Variants in VRK3 observed in about 807,000 individuals in gnomAD.
VRK3 encodes serine/threonine-protein kinase VRK3.
A neutral mutation model predicts 60.4 loss-of-function variants in VRK3; 50 were observed. The ratio of observed to expected loss-of-function variants is 0.83; its 90% confidence interval spans 0.66 to 1.05. The LOEUF (loss-of-function observed/expected upper bound fraction) is 1.05, where lower values mean the gene tolerates loss of function less well. Ranked by LOEUF, VRK3 falls within the 50% of genes least tolerant of loss-of-function variation. The probability of loss-of-function intolerance (pLI) is 0.00; values close to 1 mark genes in which losing one functional copy is unlikely to be tolerated. For missense variants in VRK3, 549 were observed against 585.3 expected (o/e 0.94, Z 0.64); for synonymous variants, 246 against 227.8 (o/e 1.08, Z -0.72).
intron 12 of VRK3, chr19:49,981,524 G>A (rs545034490): frequency 2.3e-5 from 6 of 266,478 alleles, no homozygotes; most frequent in Admixed American, 1.2e-4. Flanking sequence ...CAGCCTGGGC[G>A]ACAGAGAGAG....
intron 10 of VRK3, among the ~76,000 whole-genome samples, chr19:49,992,068 T>C (rs181684494): frequency 1.1e-4 from 17 of 152,300 alleles, no homozygotes; most frequent in Admixed American, 7.2e-4. Flanking sequence ...CCTATGAATA[T>C]ATAGGTAGGA....
rs1352633528 is a variant in VRK3, at chr19:50,019,695, T to A, written c.-2+890A>T. Among the ~76,000 whole-genome samples, 32 of 113,360 alleles carry A rather than the reference T, an allele frequency of 2.8e-4. 1 individual carries two copies. The highest frequency in any genetic ancestry group is 1.4e-3 in the African/African-American group (30 of 21,760). 74.4% of individuals were successfully genotyped at this position (113,360 alleles called of 152,430 possible). On this transcript the variant is annotated intron_variant, in intron 2 of 14. Coordinates refer to ENST00000316763, the MANE Select transcript of VRK3 (RefSeq NM_016440.4). ...TGGCCTTTTTTTTTTTTTTTTTTTT[T>A]TTTTTTTTTTTTTTTTTTACTTTTT...
intron 4 of VRK3, among the ~76,000 whole-genome samples, chr19:50,008,339 G>C (rs183994998): frequency 2.6e-4 from 40 of 151,320 alleles, no homozygotes; most frequent in Non-Finnish European, 4.6e-4. Flanking sequence ...AGCCTGGCAA[G>C]AGAATGGGGT....
At chr19:50,002,312 CACGT>C (rs2076819773) in intron 5 of VRK3, among the ~76,000 whole-genome samples, 1 of 152,262 alleles carries the variant, frequency 6.6e-6, no homozygotes, top group Non-Finnish European at 1.5e-5. Flanking sequence ...GCCAGCTCTA[CACGT>C]TCAAGGCCAA....
chr19:49,997,976 G>C (rs1251469569), intron 6 of VRK3: 1 of 155,772 alleles, frequency 6.4e-6, no homozygotes, highest in Non-Finnish European at 1.4e-5. Flanking sequence ...GTTCCAGCTG[G>C]CTGCAACGCA....
rs1456928701 is a variant in VRK3 at position 49,977,323 on chromosome 19, T to C, written c.*12-539A>G. Among the ~76,000 whole-genome samples the C allele has an allele frequency of 3.3e-5, 5 of 152,186 alleles. No individual in the cohort carries two copies. The East Asian group carries it at 9.7e-4, about 30-fold the overall frequency. On this transcript the variant is annotated intron_variant, in intron 14 of 14. Coordinates refer to ENST00000316763, the MANE Select transcript of VRK3 (RefSeq NM_016440.4). ...AGATGACCTTCAAGGTGCTCGAAGA[T>C]CACTGGGCTCCTTAAATGCCATCTC...
At chr19:49,979,786 G>A (rs948527277) in intron 13 of VRK3, among the ~76,000 whole-genome samples, 1 of 152,076 alleles carries the variant, frequency 6.6e-6, no homozygotes, top group Non-Finnish European at 1.5e-5. Context: ...GCTCACGCCT[G>A]TAATCCCAGC....
intron 4 of VRK3, 109 bp from the exon 5 acceptor site, chr19:50,007,935 A>G (rs1463464130): frequency 4.7e-6 from 7 of 1,476,230 alleles, no homozygotes; most frequent in Non-Finnish European, 6.4e-6. Flanking sequence ...CGTTCATTCA[A>G]CAAACATTTC....
At chr19:50,019,660 C>A (rs932789008) in intron 2 of VRK3, among the ~76,000 whole-genome samples, 1 of 130,772 alleles carries the variant, frequency 7.6e-6, no homozygotes, top group African/African-American at 2.9e-5. Context: ...CAGGCATGTG[C>A]CACCATGCCT....
chr19:49,982,102 T>C (rs916705691), intron 12 of VRK3: 1 of 702,008 alleles, frequency 1.4e-6, no homozygotes, highest in African/African-American at 1.8e-5. Context: ...TGGGAGGAGG[T>C]GGAAAACTGC....
At chr19:50,013,686 T>C (rs2077031182) in intron 3 of VRK3, among the ~76,000 whole-genome samples, 2 of 152,306 alleles carry the variant, frequency 1.3e-5, no homozygotes, top group South Asian at 4.1e-4. Context: ...GTCAGTAAGA[T>C]TTCTCAGCAC....
intron 12 of VRK3, among the ~76,000 whole-genome samples, chr19:49,984,108 G>T (rs1218219499): frequency 2.6e-5 from 4 of 152,180 alleles, no homozygotes; most frequent in African/African-American, 7.2e-5. Context: ...TTTAGATGGG[G>T]GGATGTGAAA....
At chr19:49,979,527 C>T (rs924660246) in intron 13 of VRK3, among the ~76,000 whole-genome samples, 2 of 152,162 alleles carry the variant, frequency 1.3e-5, no homozygotes, top group Admixed American at 6.5e-5. Context: ...TCATCAAGAC[C>T]CCTCCCCTGG....
At chr19:50,003,517 G>A (rs943118625) in intron 5 of VRK3, among the ~76,000 whole-genome samples, 2 of 152,196 alleles carry the variant, frequency 1.3e-5, no homozygotes, top group Non-Finnish European at 2.9e-5. Context: ...ATGACGGATG[G>A]TGGTTCTCCC....
Position 49,981,897 on chromosome 19 carries a change from A to T in VRK3, c.1218-884T>A, listed in dbSNP as rs139492817. ...TGAGGAGATTTTAACTGGTAGGTTCAAAGCAAGCAGGCTCGACTTCAGGAG... is the reference window on the plus strand; with the variant it reads ...TGAGGAGATTTTAACTGGTAGGTTCTAAGCAAGCAGGCTCGACTTCAGGAG... On this transcript the variant is annotated intron_variant, in intron 12 of 14. Coordinates refer to ENST00000316763, the MANE Select transcript of VRK3 (RefSeq NM_016440.4). 26 of 1,042,554 alleles carry T rather than the reference A, an allele frequency of 2.5e-5. No homozygotes were observed. The East Asian group carries it at 7.9e-4, about 32-fold the overall frequency. The allele number at this position is 1,042,554 out of a possible 1,614,324, so 64.6% of individuals were successfully genotyped here. A position where few individuals can be genotyped will look rare whatever the true frequency, so the allele number is the denominator to read the frequency against.
At chr19:49,981,103 A>G (rs570079229) in intron 12 of VRK3, 90 bp from the exon 13 acceptor site, 21 of 1,071,792 alleles carry the variant, frequency 2.0e-5, no homozygotes, top group South Asian at 4.7e-5. Context: ...ACACAGCCTA[A>G]GATATATACA....
At chr19:50,005,658 G>A (rs2076878402) in intron 5 of VRK3, among the ~76,000 whole-genome samples, 1 of 149,866 alleles carries the variant, frequency 6.7e-6, no homozygotes, top group Non-Finnish European at 1.5e-5. Context: ...AGCCACATGG[G>A]GTGTTCCCAT....
At chr19:49,990,578 G>A (rs1194161951) in intron 10 of VRK3, among the ~76,000 whole-genome samples, 1 of 151,716 alleles carries the variant, frequency 6.6e-6, no homozygotes, top group Non-Finnish European at 1.5e-5. Flanking sequence ...TTGCCCTGTT[G>A]CCCAGGCTGG....
chr19:50,001,644 C>T (rs2076808474), intron 5 of VRK3, among the ~76,000 whole-genome samples: 1 of 152,194 alleles, frequency 6.6e-6, no homozygotes, highest in Non-Finnish European at 1.5e-5. Flanking sequence ...CTCCAGTAGC[C>T]CTTACTGTTC....
Sources: allele counts gnomAD v4.1 joint callset (sites outside exome capture counted in the v4.1 genomes callset), GRCh38; gene constraint gnomAD v4.1.1; transcripts MANE v1.5; gene names NCBI Gene and HGNC (gene_info 2026-07-23, HGNC 2026-07-21).